The following SLC10A7 variants were observed in gnomAD, a reference collection of about 807,000 sequenced individuals.
SLC10A7 encodes solute carrier family 10 member 7.
SLC10A7 carries 29 observed loss-of-function variants against 43.2 expected under a neutral mutation model. The observed-to-expected ratio is 0.67, with a 90% confidence interval of 0.50 to 0.92. The LOEUF is 0.92. SLC10A7 is among the 40% of genes least tolerant of loss of function. The probability of loss-of-function intolerance (pLI) is 0.00; values close to 1 mark genes in which losing one functional copy is unlikely to be tolerated. For synonymous variants in SLC10A7, 152 were observed against 144.8 expected, an observed-to-expected ratio of 1.05 and a Z score of -0.35; for missense variants, 295 against 403.2, an observed-to-expected ratio of 0.73 and a Z score of 2.30.
chr4:146,454,270 C>T (rs2149919738), intron 4 of SLC10A7, among the ~76,000 whole-genome samples: 1 of 151,942 alleles, frequency 6.6e-6, no homozygotes, highest in South Asian at 2.1e-4. Context: ...CTTAATCAAA[C>T]ATTTTGATTG....
intron 9 of SLC10A7, among the ~76,000 whole-genome samples, chr4:146,285,047 G>A: frequency 6.6e-6 from 1 of 152,250 alleles, no homozygotes; most frequent in Non-Finnish European, 1.5e-5. Flanking sequence ...GTGCAGATGT[G>A]TGTTTTAGAT....
In SLC10A7 at chr4:146,284,575, A is replaced by C. The variant is rs140223246; in HGVS notation, c.774-1310T>G. On this transcript the variant is annotated intron_variant, in intron 9 of 11. Coordinates refer to ENST00000335472, the MANE Select transcript of SLC10A7 (RefSeq NM_001029998.6). The stretch of plus-strand genomic sequence containing the variant: ...GCATGCATGTTTCTGCTTCCTAACC[A>C]GTTGTACTTCTAAGCTGTTTCTTGG... Among the ~76,000 whole-genome samples the C allele has an allele frequency of 3.7e-4, 57 of 152,022 alleles. 1 individual carries two copies. In the East Asian group the frequency reaches 0.011, roughly 29 times the overall value.
At chr4:146,487,016 C>T in intron 4 of SLC10A7, among the ~76,000 whole-genome samples, 1 of 152,216 alleles carries the variant, frequency 6.6e-6, no homozygotes, top group Non-Finnish European at 1.5e-5. Flanking sequence ...CTCAGCCAGC[C>T]TGCTCTCCTG....
chr4:146,259,033 T>C lies in SLC10A7; in HGVS notation c.848-196A>G, dbSNP rs1728054676. On this transcript the variant is annotated intron_variant, in intron 10 of 11. Transcript: ENST00000335472. ...TTCTTTCATGACATAAAGTTCTAAC[T>C]AGGATAAGGTGGAAAGATGGTCAGT... Among the ~76,000 whole-genome samples the C allele has an allele frequency of 1.3e-5, 2 of 152,214 alleles. 1 individual carries two copies. The highest frequency in any genetic ancestry group is 4.1e-4 in the South Asian group (2 of 4,828).
At chr4:146,283,899 G>A (rs1729709741) in intron 9 of SLC10A7, among the ~76,000 whole-genome samples, 2 of 152,052 alleles carry the variant, frequency 1.3e-5, no homozygotes, top group African/African-American at 4.8e-5. Flanking sequence ...AAGTGACAGA[G>A]CCAGGATTCA....
At position 146,349,388 on chromosome 4, in the gene SLC10A7, G is replaced by A. The variant is rs115485802; in HGVS notation, c.436-23392C>T. The stretch of plus-strand genomic sequence containing the variant: ...TGATGGTAAAGCTGCAGGGAAAAGG[G>A]AACACTGGTACACTGTTGGTGGGAA... On this transcript the variant is annotated intron_variant, in intron 5 of 11. Coordinates refer to ENST00000335472, the MANE Select transcript of SLC10A7 (RefSeq NM_001029998.6). 5.1e-3 allele frequency among the ~76,000 whole-genome samples: 782 copies of A among 152,314 alleles called. 7 individuals carry two copies. The highest frequency in any genetic ancestry group is 0.018 in the African/African-American group (750 of 41,560).
intron 4 of SLC10A7, among the ~76,000 whole-genome samples, chr4:146,460,850 TAA>T (rs1240876537): frequency 1.3e-5 from 2 of 152,024 alleles, no homozygotes; most frequent in East Asian, 3.8e-4. Context: ...ATAAAAATTT[TAA>T]AAGTCAACAA....
intron 5 of SLC10A7, among the ~76,000 whole-genome samples, chr4:146,438,709 C>G (rs1730383991): frequency 6.6e-6 from 1 of 151,990 alleles, no homozygotes; most frequent in Non-Finnish European, 1.5e-5. Flanking sequence ...CATGGAAACA[C>G]TGAATTCAGC....
intron 5 of SLC10A7, among the ~76,000 whole-genome samples, chr4:146,412,704 A>T (rs1484795128): frequency 6.6e-6 from 1 of 152,186 alleles, no homozygotes; most frequent in African/African-American, 2.4e-5. Context: ...AAACATTTAA[A>T]GGCTGAATTC....
intron 10 of SLC10A7, among the ~76,000 whole-genome samples, chr4:146,274,741 G>A (rs1055307639): frequency 6.6e-6 from 1 of 152,142 alleles, no homozygotes; most frequent in Non-Finnish European, 1.5e-5. Context: ...ATTAGGGTCC[G>A]GGCCTACTGC....
At chr4:146,278,884 C>G (rs542164857) in intron 10 of SLC10A7, among the ~76,000 whole-genome samples, 3 of 152,230 alleles carry the variant, frequency 2.0e-5, no homozygotes, top group Non-Finnish European at 2.9e-5. Flanking sequence ...CCTATGTCTA[C>G]CAGAAAGCTA....
At position 146,517,116 on chromosome 4, in the gene SLC10A7, T is replaced by A. The variant is rs758000850; in HGVS notation, c.105A>T (p.Pro35=). The change falls in exon 2 of 12, where the codon CCA becomes CCT. Residue 35 remains proline, a synonymous_variant. Transcript: ENST00000335472. The stretch of plus-strand genomic sequence containing the variant: ...AGGATACAGTTATTTCTGGCTTCAG[T>A]GGTCCTAAAAAGAGAAAAAAGAGTT... ...LEPSIGVNGG[P]LKPEITVSYI... 1.2e-6 allele frequency: 2 copies of A among 1,606,226 alleles called. No individual in the cohort carries two copies. Among genetic ancestry groups the A allele is most frequent in the South Asian group, 1.1e-5 (1 of 89,750 alleles).
rs567999955 is a variant in SLC10A7, at chr4:146,310,363, G to A, written c.472-4354C>T. On this transcript the variant is annotated intron_variant, in intron 6 of 11. Coordinates refer to ENST00000335472, the MANE Select transcript of SLC10A7 (RefSeq NM_001029998.6). ...CAGTAATGGGATTGCTGGGTTGAAT[G>A]GTAGTTCTAAGTTCTTTGAGAAATC... Among the ~76,000 whole-genome samples, 7 of 152,218 alleles carry A rather than the reference G, an allele frequency of 4.6e-5. No individual in the cohort carries two copies. The East Asian group carries it at 1.2e-3, about 25-fold the overall frequency.
At chr4:146,450,462 A>G (rs1426101078) in intron 4 of SLC10A7, among the ~76,000 whole-genome samples, 2 of 152,166 alleles carry the variant, frequency 1.3e-5, no homozygotes, top group Non-Finnish European at 2.9e-5. Context: ...ATACCATGGG[A>G]CAATTGCATT....
rs144260011 is a variant in SLC10A7 at position 146,262,620 on chromosome 4, A to G, written c.848-3783T>C. Among the ~76,000 whole-genome samples the G allele has an allele frequency of 1.7e-3, 263 of 152,300 alleles. 1 individual carries two copies. The highest frequency in any genetic ancestry group is 6.1e-3 in the African/African-American group (253 of 41,566). On this transcript the variant is annotated intron_variant, in intron 10 of 11. Transcript: ENST00000335472. ...TTGCTCACTGATTTATTCAATTAGA[A>G]CTCATGTAACTGATCAAGTACTCTG...
rs1230509252 is a variant in SLC10A7 at position 146,348,780 on chromosome 4, C to T, written c.436-22784G>A. On this transcript the variant is annotated intron_variant, in intron 5 of 11. Coordinates refer to ENST00000335472, the MANE Select transcript of SLC10A7 (RefSeq NM_001029998.6). ...GATTTTTATAAAATAATTTACTTGACATGTAAATATTGTGAGATAGCCAAA... is the reference window on the plus strand; with the variant it reads ...GATTTTTATAAAATAATTTACTTGATATGTAAATATTGTGAGATAGCCAAA... Among the ~76,000 whole-genome samples, 5 of 152,078 alleles carry T rather than the reference C, an allele frequency of 3.3e-5. No homozygotes were observed. In the East Asian group the frequency reaches 9.6e-4, roughly 29 times the overall value.
rs1727826565 is a variant in SLC10A7 at position 146,255,156 on chromosome 4, G to T, written c.*1335C>A. 6.6e-6 allele frequency: 1 copy of T among 152,530 alleles called. No individual in the cohort carries two copies. Among genetic ancestry groups the T allele is most frequent in the African/African-American group, 2.4e-5 (1 of 41,436 alleles). 9.4% of individuals were successfully genotyped at this position (152,530 alleles called of 1,614,324 possible). On this transcript the variant is annotated 3_prime_UTR_variant, in exon 12 of 12. Transcript: ENST00000335472. Reference sequence around the variant, plus strand: ...TCAAATCAAGAGAGGACGTGTAAGAGGATGTGACAGGACGGCATGGGGGAA... The same window carrying T: ...TCAAATCAAGAGAGGACGTGTAAGATGATGTGACAGGACGGCATGGGGGAA...
At chr4:146,358,651 GTAT>G in intron 5 of SLC10A7, among the ~76,000 whole-genome samples, 1 of 152,166 alleles carries the variant, frequency 6.6e-6, no homozygotes, top group African/African-American at 2.4e-5. Flanking sequence ...CTTTTACTTA[GTAT>G]TATTAATATA....
intron 4 of SLC10A7, among the ~76,000 whole-genome samples, chr4:146,494,127 T>A (rs1402879607): frequency 6.6e-6 from 1 of 152,234 alleles, no homozygotes; most frequent in Non-Finnish European, 1.5e-5. Context: ...TTACAAGTAC[T>A]TCCACATATC....
Sources: gnomAD v4.1 joint callset for allele counts (sites outside exome capture counted in the v4.1 genomes callset) on GRCh38, gnomAD v4.1.1 for gene constraint, MANE v1.5 for transcripts, NCBI Gene and HGNC (gene_info 2026-07-23, HGNC 2026-07-21) for gene names.